The following GRM7 variants were observed in gnomAD, a reference collection of about 807,000 sequenced individuals.
GRM7 encodes glutamate metabotropic receptor 7.
A neutral mutation model predicts 84.5 loss-of-function variants in GRM7; 35 were observed. The ratio of observed to expected loss-of-function variants is 0.41; its 90% CI spans 0.32 to 0.55. The LOEUF (loss-of-function observed/expected upper bound fraction) is 0.55. GRM7 is among the 20% of genes least tolerant of loss of function. GRM7 has a pLI of 0.19. For synonymous variants in GRM7, 487 were observed against 455.1 expected (o/e 1.07, Z -0.89); for missense variants, 1,003 against 1,194.6 (o/e 0.84, Z 2.36).
intron 8 of GRM7, among the ~76,000 whole-genome samples, chr3:7,580,572 T>C (rs1695201656): frequency 6.6e-6 from 1 of 152,198 alleles, no homozygotes; most frequent in East Asian, 1.9e-4. Context: ...GCTGAAAAGA[T>C]GTATTTTACC....
chr3:6,876,151 C>T (rs1574955755), intron 1 of GRM7, among the ~76,000 whole-genome samples: 1 of 152,136 alleles, frequency 6.6e-6, no homozygotes, highest in East Asian at 1.9e-4. Context: ...ACCTGCGATC[C>T]CAGTTACTCG....
intron 8 of GRM7, among the ~76,000 whole-genome samples, chr3:7,649,305 G>A (rs549375587): frequency 3.3e-5 from 5 of 152,110 alleles, no homozygotes; most frequent in East Asian, 1.9e-4. Flanking sequence ...TCCTGACCTC[G>A]TGATCCTCCT....
chr3:7,550,573 CTCTCTGTGTGTG>C (rs1416431583), intron 7 of GRM7, among the ~76,000 whole-genome samples: 26 of 60,660 alleles, frequency 4.3e-4, no homozygotes, highest in South Asian at 7.2e-4. Flanking sequence ...CTCTCTCTCT[CTCTCTGTGTGTG>C]TGTGTGTGTG....
intron 2 of GRM7, among the ~76,000 whole-genome samples, chr3:7,279,588 A>G (rs116689220): frequency 0.017 from 2,535 of 152,242 alleles, 76 homozygotes; most frequent in African/African-American, 0.056. Context: ...CTCTGTGGAT[A>G]GTAGAATTCA....
intron 8 of GRM7, among the ~76,000 whole-genome samples, chr3:7,618,557 G>GT (rs1216500773): frequency 6.6e-6 from 1 of 152,086 alleles, no homozygotes; most frequent in Admixed American, 6.6e-5. Context: ...TTTATTTTCT[G>GT]TTGCCATTTG....
chr3:7,709,490 GAGAC>G (rs1168196981), intron 9 of GRM7, among the ~76,000 whole-genome samples: 3 of 152,118 alleles, frequency 2.0e-5, no homozygotes, highest in Admixed American at 1.3e-4. Context: ...AGTGTCAGTG[GAGAC>G]AGACAATCAG....
In GRM7 at chr3:7,740,437, G is replaced by C. The variant is rs373404728; in HGVS notation, c.*31G>C. ...TCCATTCCATGGAACCATGGAGGAG[G>C]AAGACCCTCAGTTATTTTGTCACCC... is the stretch of plus-strand genomic sequence containing the variant. On this transcript the variant is annotated 3_prime_UTR_variant, in exon 10 of 10. Transcript: ENST00000357716. 2.3e-6 allele frequency: 3 copies of C among 1,285,708 alleles called. No homozygotes were observed. In the African/African-American group the frequency reaches 4.5e-5, roughly 19 times the overall value. The allele number at this position is 1,285,708 out of a possible 1,614,324, so 79.6% of individuals were successfully genotyped here.
intron 1 of GRM7, among the ~76,000 whole-genome samples, chr3:6,971,359 T>C (rs1693753682): frequency 1.3e-5 from 2 of 152,180 alleles, no homozygotes; most frequent in African/African-American, 2.4e-5. Flanking sequence ...GCAAGTACAG[T>C]CCGAAGAACT....
At chr3:7,099,527 C>T (rs1049279984) in intron 1 of GRM7, among the ~76,000 whole-genome samples, 12 of 146,828 alleles carry the variant, frequency 8.2e-5, no homozygotes, top group Non-Finnish European at 1.5e-4. Context: ...TATATGTACA[C>T]GCATTATACA....
chr3:7,123,740 T>G (rs1387527268), intron 1 of GRM7, among the ~76,000 whole-genome samples: 2 of 152,192 alleles, frequency 1.3e-5, no homozygotes, highest in African/African-American at 2.4e-5. Context: ...TCATCAGCCT[T>G]GGAGGTCAAC....
At chr3:7,044,829 A>C (rs2124945942) in intron 1 of GRM7, among the ~76,000 whole-genome samples, 1 of 152,236 alleles carries the variant, frequency 6.6e-6, no homozygotes, top group East Asian at 1.9e-4. Context: ...GTTTACCCAC[A>C]CTCACAGAGA....
At chr3:7,173,124 C>G (rs1259348210) in intron 2 of GRM7, among the ~76,000 whole-genome samples, 1 of 152,180 alleles carries the variant, frequency 6.6e-6, no homozygotes, top group Non-Finnish European at 1.5e-5. Context: ...TGGGAAGTAA[C>G]AGAGCCAGTA....
intron 1 of GRM7, among the ~76,000 whole-genome samples, chr3:7,064,505 C>CACGTATACATATATATATACACATAT (rs1553612672): frequency 9.9e-6 from 1 of 101,008 alleles, no homozygotes; most frequent in African/African-American, 3.8e-5. Context: ...TATATATACA[C>CACGTATACATATATATATACACATAT]ATATATATAT....
At chr3:7,280,449 G>T (rs1030905095) in intron 2 of GRM7, among the ~76,000 whole-genome samples, 1 of 152,158 alleles carries the variant, frequency 6.6e-6, no homozygotes, top group African/African-American at 2.4e-5. Flanking sequence ...AACCAGGATT[G>T]TGATTCAAAT....
intron 9 of GRM7, chr3:7,691,258 C>G: frequency 7.8e-7 from 1 of 1,287,838 alleles, no homozygotes; most frequent in South Asian, 1.2e-5. Context: ...GATAACATTT[C>G]CAAAGCTTGT....
At chr3:7,078,774 T>A (rs1188045213) in intron 1 of GRM7, among the ~76,000 whole-genome samples, 1 of 152,048 alleles carries the variant, frequency 6.6e-6, no homozygotes, top group Non-Finnish European at 1.5e-5. Context: ...AGTAAAGGAA[T>A]TTTGTGAAGT....
At chr3:7,055,142 A>G (rs1697166642) in intron 1 of GRM7, among the ~76,000 whole-genome samples, 2 of 151,722 alleles carry the variant, frequency 1.3e-5, no homozygotes, top group South Asian at 4.1e-4. Flanking sequence ...GTCTTAATTT[A>G]TTTCTAGCGT....
chr3:7,138,219 A>T (rs942389722), intron 1 of GRM7, among the ~76,000 whole-genome samples: 1 of 152,044 alleles, frequency 6.6e-6, no homozygotes, highest in African/African-American at 2.4e-5. Flanking sequence ...TATTAAGTAG[A>T]TCCTAGATGC....
chr3:7,146,234 A>T (rs1326234934), intron 1 of GRM7, among the ~76,000 whole-genome samples: 6 of 152,188 alleles, frequency 3.9e-5, no homozygotes, highest in Non-Finnish European at 8.8e-5. Flanking sequence ...TTCCTAAGAC[A>T]AGGAAATAAA....
Sources: gnomAD v4.1 joint callset for allele counts (sites outside exome capture counted in the v4.1 genomes callset) on GRCh38, gnomAD v4.1.1 for gene constraint, MANE v1.5 for transcripts, NCBI Gene and HGNC (gene_info 2026-07-23, HGNC 2026-07-21) for gene names.